The following SLC2A5 variants were observed in gnomAD, a reference collection of about 807,000 sequenced individuals.
The protein encoded by SLC2A5 is solute carrier family 2 member 5, also known as solute carrier family 2, facilitated glucose transporter member 5.
A neutral mutation model predicts 50.3 loss-of-function variants in SLC2A5; 56 were observed. The ratio of observed to expected loss-of-function variants is 1.11; its 90% confidence interval spans 0.90 to 1.39. The LOEUF (loss-of-function observed/expected upper bound fraction) is 1.39, where lower values mean the gene tolerates loss of function less well. SLC2A5 is among the 40% of genes most tolerant of loss of function. The pLI is 0.00. For synonymous variants in SLC2A5, 269 were observed against 281.9 expected, an observed-to-expected ratio of 0.95 and a Z score of 0.46; for missense variants, 566 against 650.1, an observed-to-expected ratio of 0.87 and a Z score of 1.41.
chr1:9,055,799 C>T (rs940102325), intron 3 of SLC2A5, among the ~76,000 whole-genome samples: 1 of 151,840 alleles, frequency 6.6e-6, no homozygotes, highest in African/African-American at 2.4e-5. Flanking sequence ...ACCTGTAATC[C>T]CAGCTACTTG....
At chr1:9,069,687 C>G, upstream of SLC2A5, 3 of 771,654 alleles carry the variant, frequency 3.9e-6, no homozygotes, top group South Asian at 5.0e-5. Flanking sequence ...CAGAATAACC[C>G]TTTCAGGAAC....
chr1:9,067,723 C>T (rs1372356007), intron 1 of SLC2A5, among the ~76,000 whole-genome samples: 1 of 152,136 alleles, frequency 6.6e-6, no homozygotes, highest in Non-Finnish European at 1.5e-5. Context: ...CTCTCGGGGA[C>T]ATCGGTTGTC....
At chr1:9,044,647 T>G (rs1033990764) in intron 4 of SLC2A5, among the ~76,000 whole-genome samples, 2 of 152,050 alleles carry the variant, frequency 1.3e-5, no homozygotes, top group African/African-American at 4.8e-5. Context: ...CTCCCCATCC[T>G]GGGTTCAAGC....
At chr1:9,062,224 C>G (rs1641964157) in intron 1 of SLC2A5, among the ~76,000 whole-genome samples, 1 of 152,144 alleles carries the variant, frequency 6.6e-6, no homozygotes, top group African/African-American at 2.4e-5. Flanking sequence ...GGTAAAGACA[C>G]ACATTAAGAA....
At chr1:9,056,480 C>T (rs970185663) in intron 3 of SLC2A5, among the ~76,000 whole-genome samples, 2 of 152,038 alleles carry the variant, frequency 1.3e-5, no homozygotes, top group Non-Finnish European at 2.9e-5. Context: ...CCACTGCGCC[C>T]AGCTGTGTGT....
chr1:9,086,189 A>G (rs1184031021), intron 1 of SLC2A5, among the ~76,000 whole-genome samples: 1 of 152,204 alleles, frequency 6.6e-6, no homozygotes, highest in Non-Finnish European at 1.5e-5. Context: ...TCTCCAGCTT[A>G]GTCATTGCCT....
chr1:9,090,190 A>G (rs1251312099), upstream of SLC2A5, among the ~76,000 whole-genome samples: 2 of 152,128 alleles, frequency 1.3e-5, no homozygotes, highest in Non-Finnish European at 2.9e-5. Context: ...GCCCTAAACC[A>G]AAGCCACTCT....
rs144453042 is a variant in SLC2A5 at position 9,061,700 on chromosome 1, C to T, written c.34-3450G>A. On this transcript the variant is annotated intron_variant, in intron 1 of 11. Coordinates refer to ENST00000377424, the MANE Select transcript of SLC2A5 (RefSeq NM_003039.3). ...AGCCAAGTGCAGCTCTTGACCACTCCCTCAGTCTGATGAGTGCCCTAAGGT... is the reference window on the plus strand; with the variant it reads ...AGCCAAGTGCAGCTCTTGACCACTCTCTCAGTCTGATGAGTGCCCTAAGGT... Among the ~76,000 whole-genome samples the T allele has an allele frequency of 2.6e-5, 4 of 152,228 alleles. No homozygotes were observed. In the East Asian group the frequency reaches 7.7e-4, roughly 29 times the overall value.
intron 3 of SLC2A5, among the ~76,000 whole-genome samples, chr1:9,048,786 G>C (rs984959095): frequency 3.3e-5 from 5 of 151,916 alleles, no homozygotes; most frequent in Non-Finnish European, 7.4e-5. Flanking sequence ...CTTCCAAGTA[G>C]CTAGGATTAC....
intron 1 of SLC2A5, among the ~76,000 whole-genome samples, chr1:9,058,763 G>C (rs1436101195): frequency 7.1e-6 from 1 of 140,006 alleles, no homozygotes; most frequent in African/African-American, 2.5e-5. Flanking sequence ...GAAAATCAAA[G>C]AGAAAAAGAG....
upstream of SLC2A5, among the ~76,000 whole-genome samples, chr1:9,091,339 C>A (rs1323939138): frequency 6.6e-6 from 1 of 152,252 alleles, no homozygotes; most frequent in South Asian, 2.1e-4. Flanking sequence ...ACTTCTAGCC[C>A]AACCCATGGG....
At chr1:9,042,851 G>A (rs1569846586) in intron 4 of SLC2A5, among the ~76,000 whole-genome samples, 1 of 152,004 alleles carries the variant, frequency 6.6e-6, no homozygotes, top group East Asian at 1.9e-4. Context: ...CATTTAAAAT[G>A]TCAACACATA....
chr1:9,092,955 G>A (rs934209741), upstream of SLC2A5, among the ~76,000 whole-genome samples: 13 of 152,138 alleles, frequency 8.5e-5, no homozygotes, highest in Admixed American at 2.6e-4. Context: ...AAATTTGGGC[G>A]CTCCCACGTA....
intron 5 of SLC2A5, chr1:9,041,108 A>G: frequency 9.1e-6 from 3 of 331,362 alleles, no homozygotes; most frequent in Non-Finnish European, 1.6e-5. Context: ...AGCAGCACAG[A>G]GCTTGATGAT....
intron 2 of SLC2A5, among the ~76,000 whole-genome samples, chr1:9,075,619 T>C (rs1387309900): frequency 3.3e-5 from 5 of 152,178 alleles, no homozygotes; most frequent in Non-Finnish European, 7.4e-5. Context: ...TATTTTCATA[T>C]GTAATTTGTT....
At chr1:9,065,943 C>CA (rs34396789) in intron 1 of SLC2A5, among the ~76,000 whole-genome samples, 6 of 149,996 alleles carry the variant, frequency 4.0e-5, no homozygotes, top group Admixed American at 1.3e-4. Context: ...GACCCTGCCT[C>CA]AAAAAAAAAA....
upstream of SLC2A5, chr1:9,069,792 T>C: frequency 1.9e-6 from 1 of 537,922 alleles, no homozygotes; most frequent in Non-Finnish European, 3.3e-6. Flanking sequence ...AGCATTGTCC[T>C]GATGGAACAG....
At chr1:9,081,007 G>C (rs550997784) in intron 2 of SLC2A5, among the ~76,000 whole-genome samples, 1 of 152,240 alleles carries the variant, frequency 6.6e-6, no homozygotes, top group Admixed American at 6.5e-5. Flanking sequence ...CAGAGGCTGA[G>C]GTAGGCAAAT....
At chr1:9,049,190 G>A (rs776882581) in intron 3 of SLC2A5, 1 of 456,208 alleles carries the variant, frequency 2.2e-6, no homozygotes, top group South Asian at 1.5e-5. Flanking sequence ...GATGGACGAA[G>A]CTGTCAGCGA....
Sources: gnomAD v4.1 joint callset for allele counts (sites outside exome capture counted in the v4.1 genomes callset) on GRCh38, gnomAD v4.1.1 for gene constraint, MANE v1.5 for transcripts, NCBI Gene and HGNC (gene_info 2026-07-23, HGNC 2026-07-21) for gene names.